Variants in TOP2B observed in about 807,000 individuals in gnomAD.
TOP2B encodes DNA topoisomerase 2-beta.
TOP2B carries 51 observed loss-of-function variants against 193.5 expected under a neutral mutation model. That is an observed-to-expected ratio of 0.26 (90% CI 0.21 to 0.33). The LOEUF (loss-of-function observed/expected upper bound fraction) is 0.33, where lower values mean the gene tolerates loss of function less well. Among genes scored for constraint, TOP2B ranks in the 10% least tolerant of loss-of-function variants. The pLI is 1.00. For missense variants in TOP2B, 1,378 were observed against 1,909.3 expected, an observed-to-expected ratio of 0.72 and a Z score of 5.19; for synonymous variants, 634 against 635.7, an observed-to-expected ratio of 1.00 and a Z score of 0.04.
At chr3:25,620,963 T>TGAA in intron 21 of TOP2B, 147 bp from the exon 22 acceptor site, 1 of 820,838 alleles carries the variant, frequency 1.2e-6, no homozygotes, top group Non-Finnish European at 1.9e-6. Context: ...AAGCTTGAAT[T>TGAA]CATAGCTTCT....
chr3:25,598,147 T>TATGTGTAAGAACAAAATGTTA lies in TOP2B; in HGVS notation c.*139_*159dup. ...ATGAGTAAAAAAGAGCATAAAACTG[T>TATGTGTAAGAACAAAATGTTA]ATGTGTAAGAACAAAATGTTAAAAG... On this transcript the variant is annotated 3_prime_UTR_variant, in exon 36 of 36. Coordinates refer to ENST00000264331, the MANE Select transcript of TOP2B (RefSeq NM_001330700.2). The TATGTGTAAGAACAAAATGTTA allele has an allele frequency of 4.5e-6, 3 of 671,454 alleles. No homozygotes were observed. The allele number at this position is 671,454 out of a possible 1,614,324, so 41.6% of individuals were successfully genotyped here. A position where few individuals can be genotyped will look rare whatever the true frequency, so the allele number is the denominator to read the frequency against.
At position 25,620,824 on chromosome 3, in the gene TOP2B, GA is replaced by G; in HGVS notation, c.2728-9del. The G allele has an allele frequency of 6.2e-7, 1 of 1,612,126 alleles. No homozygotes were observed. Among genetic ancestry groups the G allele is most frequent in the South Asian group, 1.1e-5 (1 of 90,722 alleles). On this transcript the variant is annotated splice_polypyrimidine_tract_variant and intron_variant, in intron 21 of 35. Coordinates refer to ENST00000264331, the MANE Select transcript of TOP2B (RefSeq NM_001330700.2). ...GTTTTTGTAGTTTGGAAGCTGTAGA[GA>G]AAAAGGTAAATAGCATTGACTTCTC...
intron 1 of TOP2B, 132 bp downstream of exon 1, chr3:25,664,097 A>ACAGG: frequency 7.5e-7 from 1 of 1,330,324 alleles, no homozygotes; most frequent in Non-Finnish European, 1.0e-6. Context: ...TTCTGCAAGC[A>ACAGG]CAGGCCCCTA....
At chr3:25,649,656 AG>A (rs1479733319) in intron 1 of TOP2B, among the ~76,000 whole-genome samples, 1 of 152,070 alleles carries the variant, frequency 6.6e-6, no homozygotes, top group Admixed American at 6.5e-5. Context: ...ATCCAGCAAA[AG>A]TGCCCTTCAA....
In TOP2B at chr3:25,604,800, C is replaced by T. The variant is rs1165076937; in HGVS notation, c.4449G>A (p.Gln1483=). 6.2e-7 allele frequency: 1 copy of T among 1,612,858 alleles called. No homozygotes were observed. Among genetic ancestry groups the T allele is most frequent in the Admixed American group, 1.7e-5 (1 of 59,942 alleles). ...CCGTTTTACTTGGAACTTTATCTGT[C>T]TGTTTCAGACCAAATGATGGTGAAA... ...SVFSPSFGLK[Q]TDKVPSKTVA... is the part of the protein sequence containing the mutation. The change falls in exon 33 of 36, where the codon CAG becomes CAA. Residue 1483 remains glutamine, a synonymous_variant. Transcript: ENST00000264331.
intron 23 of TOP2B, among the ~76,000 whole-genome samples, chr3:25,619,516 G>C (rs1367294643): frequency 6.6e-6 from 1 of 152,076 alleles, no homozygotes; most frequent in Admixed American, 6.6e-5. Context: ...GCAGATTAGA[G>C]TTATGAGTAC....
chr3:25,657,593 G>A (rs1703781122), intron 1 of TOP2B, among the ~76,000 whole-genome samples: 1 of 152,172 alleles, frequency 6.6e-6, no homozygotes, highest in Non-Finnish European at 1.5e-5. Flanking sequence ...AAAAGAGAGT[G>A]ATGTATATCT....
rs1286653884 is a variant in TOP2B, at chr3:25,619,879, G to A, written c.3046C>T (p.Leu1016Phe). The change falls in exon 23 of 36, where the codon CTT becomes TTT. Residue 1016 changes from leucine to phenylalanine, a missense_variant. Leu to Phe is a conservative substitution (Grantham distance 22). Transcript: ENST00000264331. Reference sequence around the variant, plus strand: ...TAAATTACCATGGAATTACAAGTAAGAGTAGTTTGAAGTTTAAAAACTTTA... The same window carrying A: ...TAAATTACCATGGAATTACAAGTAAAAGTAGTTTGAAGTTTAAAAACTTTA... ...LHKVFKLQTT[L>F]TCNSMVLFDH... 6.2e-7 allele frequency: 1 copy of A among 1,607,286 alleles called. No individual in the cohort carries two copies. The highest frequency in any genetic ancestry group is 1.1e-5 in the South Asian group (1 of 90,908).
chr3:25,642,665 C>A (rs918724179), intron 3 of TOP2B, among the ~76,000 whole-genome samples: 2 of 152,020 alleles, frequency 1.3e-5, no homozygotes, highest in African/African-American at 4.8e-5. Context: ...AGAACAAACA[C>A]CTGCATTTTA....
rs1701971448 is a variant in TOP2B at position 25,598,225 on chromosome 3, C to CAGAT, written c.*78_*81dup. On this transcript the variant is annotated 3_prime_UTR_variant, in exon 36 of 36. Transcript: ENST00000264331. ...ATTACATCATCACATTAAAATAAGC[C>CAGAT]AGATGTACAAAAGTCTGAGACAGAG... 1 of 1,382,822 alleles carries CAGAT rather than the reference C, an allele frequency of 7.2e-7. No homozygotes were observed. The highest frequency in any genetic ancestry group is 9.8e-7 in the Non-Finnish European group (1 of 1,021,308). The allele number at this position is 1,382,822 out of a possible 1,614,324, so 85.7% of individuals were successfully genotyped here.
At chr3:25,607,427 C>CATGAATT in intron 30 of TOP2B, 52 bp from the exon 31 acceptor site, 1 of 1,518,928 alleles carries the variant, frequency 6.6e-7, no homozygotes, top group Non-Finnish European at 8.9e-7. Flanking sequence ...GCTTTGTATA[C>CATGAATT]ATGAATTATT....
chr3:25,632,102 G>T (rs1702976705), intron 10 of TOP2B, among the ~76,000 whole-genome samples: 1 of 152,018 alleles, frequency 6.6e-6, no homozygotes, highest in South Asian at 2.1e-4. Context: ...ATAAAGATAA[G>T]AATCAGTAGA....
At chr3:25,657,610 T>A (rs1043882931) in intron 1 of TOP2B, among the ~76,000 whole-genome samples, 2 of 151,912 alleles carry the variant, frequency 1.3e-5, no homozygotes, top group Non-Finnish European at 2.9e-5. Flanking sequence ...ATCTGACACA[T>A]GCAGGCTAAC....
In TOP2B at chr3:25,606,068, A is replaced by T; in HGVS notation, c.4353T>A (p.Pro1451=). The change falls in exon 32 of 36, where the codon CCT becomes CCA. Residue 1451 remains proline, a synonymous_variant. Coordinates refer to ENST00000264331, the MANE Select transcript of TOP2B (RefSeq NM_001330700.2). The part of the protein sequence containing the change: ...SQDFGNLFSF[P]SYSQKSEDDS... ...CATCTTCTGACTTCTGAGAATATGAAGGAAATGAGAAGAGATTTCCAAAAT... is the reference window on the plus strand; with the variant it reads ...CATCTTCTGACTTCTGAGAATATGATGGAAATGAGAAGAGATTTCCAAAAT... 1 of 1,505,346 alleles carries T rather than the reference A, an allele frequency of 6.6e-7. No homozygotes were observed. The highest frequency in any genetic ancestry group is 8.9e-7 in the Non-Finnish European group (1 of 1,118,984). 93.2% of individuals were successfully genotyped at this position (1,505,346 alleles called of 1,614,324 possible). A position where few individuals can be genotyped will look rare whatever the true frequency, so the allele number is the denominator to read the frequency against.
intron 1 of TOP2B, among the ~76,000 whole-genome samples, chr3:25,654,857 G>C (rs577706652): frequency 2.0e-5 from 3 of 152,130 alleles, no homozygotes; most frequent in African/African-American, 7.2e-5. Flanking sequence ...GGGAAAACTG[G>C]ATAACAAGCA....
chr3:25,664,884 T>C lies in TOP2B; in HGVS notation c.-587A>G, dbSNP rs1398350148. 1 of 991,210 alleles carries C rather than the reference T, an allele frequency of 1.0e-6. No homozygotes were observed. The highest frequency in any genetic ancestry group is 1.2e-6 in the Non-Finnish European group (1 of 833,230). The allele number at this position is 991,210 out of a possible 1,614,324, so 61.4% of individuals were successfully genotyped here. On this transcript the variant is annotated 5_prime_UTR_variant, in exon 1 of 36. Transcript: ENST00000264331. Reference sequence around the variant, plus strand: ...GCCGCCGCCACGGTCACCTCCCTCTTGTCCGGCATAACACCGCACACACAC... The same window carrying C: ...GCCGCCGCCACGGTCACCTCCCTCTCGTCCGGCATAACACCGCACACACAC...
rs1263689554 is a variant in TOP2B, at chr3:25,618,847, T to C, written c.3066A>G (p.Val1022=). The C allele has an allele frequency of 6.3e-7, 1 of 1,597,280 alleles. No homozygotes were observed. The stretch of plus-strand genomic sequence containing the variant: ...TCAGACATCCCATATGATCAAAAAG[T>C]ACCTAAGCAAAACACATATACTTTG... ...LQTTLTCNSM[V]LFDHMGCLKK... The change falls in exon 24 of 36, where the codon GTA becomes GTG. Residue 1022 remains valine (V), a splice_region_variant and synonymous_variant. Coordinates refer to ENST00000264331, the MANE Select transcript of TOP2B (RefSeq NM_001330700.2).
chr3:25,604,820 G>T lies in TOP2B; in HGVS notation c.4429C>A (p.Pro1477Thr). 2 of 1,612,834 alleles carry T rather than the reference G, an allele frequency of 1.2e-6. No individual in the cohort carries two copies. Among genetic ancestry groups the T allele is most frequent in the South Asian group, 2.2e-5 (2 of 91,032 alleles). Reference sequence around the variant, plus strand: ...TCTGTCTGTTTCAGACCAAATGATGGTGAAAAAACAGAAGCAGAATCTTCT... The same window carrying T: ...TCTGTCTGTTTCAGACCAAATGATGTTGAAAAAACAGAAGCAGAATCTTCT... Reference protein sequence around the residue: ...NEEDSASVFSPSFGLKQTDKV... With the variant: ...NEEDSASVFSTSFGLKQTDKV... The change falls in exon 33 of 36, where the codon CCA (proline) becomes ACA (threonine). Residue 1477 changes from proline to threonine, a missense_variant. By Grantham distance (38) the Pro-to-Thr change is conservative (BLOSUM62 -1). Around this residue, in one of 9 missense-constraint regions of TOP2B, gnomAD observed 556 missense variants for 584.2 expected, o/e 0.95. Transcript: ENST00000264331.
chr3:25,623,446 T>G, intron 21 of TOP2B, 69 bp downstream of exon 21: 1 of 1,412,196 alleles, frequency 7.1e-7, no homozygotes, highest in Admixed American at 1.9e-5. Context: ...ATTACTTTTC[T>G]AAAATGACGG....
Sources: gnomAD v4.1 joint callset for allele counts (sites outside exome capture counted in the v4.1 genomes callset) on GRCh38, gnomAD v4.1.1 for gene constraint, gnomAD v4.1.1 regional missense constraint, MANE v1.5 for transcripts, NCBI Gene and HGNC (gene_info 2026-07-23, HGNC 2026-07-21) for gene names.